Variants in EIF2B5 observed in about 807,000 individuals in gnomAD.
EIF2B5 encodes the protein eukaryotic translation initiation factor 2B subunit epsilon, also known as translation initiation factor eIF2B subunit epsilon.
EIF2B5 carries 38 observed loss-of-function variants against 87.3 expected under a neutral mutation model. The ratio of observed to expected loss-of-function variants is 0.44; its 90% confidence interval spans 0.34 to 0.57. The LOEUF is 0.57. EIF2B5 is among the 20% of genes least tolerant of loss of function. The pLI is 0.02. For synonymous variants in EIF2B5, 313 were observed against 339.6 expected, an observed-to-expected ratio of 0.92 and a Z score of 0.86; for missense variants, 784 against 909.5, an observed-to-expected ratio of 0.86 and a Z score of 1.78.
At chr3:184,137,508 CA>C (rs1713414505) in intron 2 of EIF2B5, 111 bp from the exon 3 acceptor site, 1 of 1,105,798 alleles carries the variant, frequency 9.0e-7, no homozygotes, top group Non-Finnish European at 1.4e-6. Context: ...GGCAAGAACC[CA>C]AAAAAGCCAT....
intron 1 of EIF2B5, 150 bp downstream of exon 1, chr3:184,135,730 C>A: frequency 9.0e-7 from 1 of 1,115,650 alleles, no homozygotes; most frequent in Non-Finnish European, 1.3e-6. Context: ...CTGTCTAAAC[C>A]CTGATGACTG....
chr3:184,138,417 T>G (rs1437701342), intron 5 of EIF2B5, among the ~76,000 whole-genome samples, 171 bp downstream of exon 5: 1 of 149,972 alleles, frequency 6.7e-6, no homozygotes, highest in Non-Finnish European at 1.5e-5. Context: ...AGTGCAGTGG[T>G]GTGATCCCAG....
chr3:184,143,714 G>T, intron 13 of EIF2B5, 149 bp downstream of exon 13: 1 of 1,171,580 alleles, frequency 8.5e-7, no homozygotes, highest in Non-Finnish European at 1.2e-6. Flanking sequence ...AGCCTTGGCT[G>T]GTTCAGAGGG....
chr3:184,139,995 C>T, intron 5 of EIF2B5, 85 bp from the exon 6 acceptor site: 2 of 1,126,628 alleles, frequency 1.8e-6, no homozygotes, highest in Non-Finnish European at 2.6e-6. Flanking sequence ...TGCACTCCAG[C>T]CTGGGCAACA....
intron 5 of EIF2B5, chr3:184,138,953 GTTT>G: frequency 4.0e-6 from 1 of 249,450 alleles, no homozygotes. Flanking sequence ...TGAGCCACCA[GTTT>G]TTTTTGTTGT....
chr3:184,142,765 T>C lies in EIF2B5; in HGVS notation c.1547-14T>C, dbSNP rs762870731. On this transcript the variant is annotated splice_polypyrimidine_tract_variant and intron_variant, in intron 10 of 15. Transcript: ENST00000648915. The surrounding 1 kb of genome is among the most constrained non-coding windows in gnomAD (Gnocchi z 5.0). ...CTCTTTTTTTCTTTTTCCTCACCCA[T>C]TATGGCTTCTCAGGACTCAAGATCA... 6.2e-7 allele frequency: 1 copy of C among 1,612,104 alleles called. No homozygotes were observed. Among genetic ancestry groups the C allele is most frequent in the Non-Finnish European group, 8.5e-7 (1 of 1,178,928 alleles).
chr3:184,135,662 A>G (rs901526973), intron 1 of EIF2B5, 82 bp downstream of exon 1: 1 of 1,525,184 alleles, frequency 6.6e-7, no homozygotes, highest in Non-Finnish European at 8.9e-7. Flanking sequence ...TAACTACAAC[A>G]GCATGCCCTT....
At position 184,142,218 on chromosome 3, in the gene EIF2B5, G is replaced by C. The variant is rs1713667441; in HGVS notation, c.1303-19G>C. On this transcript the variant is annotated intron_variant, in intron 8 of 15. Transcript: ENST00000648915. This position sits in a 1 kb window ranked among gnomAD's most constrained non-coding sequence, Gnocchi z 5.0. The stretch of plus-strand genomic sequence containing the variant: ...TTTTCCTCCACACCCTAATGGTTCT[G>C]TGTTTTTTTTCCCCTTAGGTGGTCG... The C allele has an allele frequency of 6.2e-7, 1 of 1,613,882 alleles. No homozygotes were observed. The highest frequency in any genetic ancestry group is 8.5e-7 in the Non-Finnish European group (1 of 1,179,982).
intron 1 of EIF2B5, among the ~76,000 whole-genome samples, chr3:184,136,331 A>G (rs148245466): frequency 1.3e-5 from 2 of 152,366 alleles, no homozygotes; most frequent in Non-Finnish European, 2.9e-5. Flanking sequence ...ATTGATTTCC[A>G]GTATTATCCT....
intron 11 of EIF2B5, 31 bp from the exon 12 acceptor site, chr3:184,143,021 G>A (rs1236855176): frequency 6.2e-7 from 1 of 1,605,106 alleles, no homozygotes; most frequent in East Asian, 2.2e-5. Flanking sequence ...AATGATGTTG[G>A]CCCATGAACT....
chr3:184,135,509 C>A lies in EIF2B5; in HGVS notation c.124C>A (p.Pro42Thr), dbSNP rs761140018. The A allele has an allele frequency of 6.3e-7, 1 of 1,585,414 alleles. No homozygotes were observed. The highest frequency in any genetic ancestry group is 8.6e-7 in the Non-Finnish European group (1 of 1,166,756). ...ARGAEEEPPP[P>T]LQAVLVADSF... ...AGGGGCGGAGGAGGAACCGCCGCCG[C>A]CCCTACAAGCAGTTCTGGTGGCCGA... The change falls in exon 1 of 16, where the codon CCC becomes ACC. Residue 42 changes from proline (P) to threonine (T), a missense_variant. Physicochemically the swap from Pro to Thr is conservative, Grantham distance 38. Coordinates refer to ENST00000648915, the MANE Select transcript of EIF2B5 (RefSeq NM_003907.3).
intron 14 of EIF2B5, 133 bp from the exon 15 acceptor site, chr3:184,144,464 G>A: frequency 9.6e-7 from 1 of 1,044,642 alleles, no homozygotes. Context: ...CCTGCCCCAG[G>A]AGCAGAGCGA....
chr3:184,142,033 G>A lies in EIF2B5; in HGVS notation c.1265G>A (p.Arg422Gln), dbSNP rs372497906. The A allele has an allele frequency of 5.5e-5, 88 of 1,614,044 alleles. No individual in the cohort carries two copies. The highest frequency in any genetic ancestry group is 1.5e-4 in the Admixed American group (9 of 60,000). The change falls in exon 8 of 16, where the codon CGA (arginine) becomes CAA (glutamine). Residue 422 changes from arginine to glutamine, a missense_variant. This residue lies in a region of EIF2B5 where 660 missense variants were observed against 789.5 expected (regional missense o/e 0.84). Coordinates refer to ENST00000648915, the MANE Select transcript of EIF2B5 (RefSeq NM_003907.3). This position sits in a 1 kb window ranked among gnomAD's most constrained non-coding sequence, Gnocchi z 5.0. ...LLCDNAEVKE[R>Q]VTLKPRSVLT... is the part of the protein sequence containing the mutation. ...TGTGACAATGCTGAGGTCAAGGAACGAGTGACACTGAAACCACGCTCTGTC... is the reference window on the plus strand; with the variant it reads ...TGTGACAATGCTGAGGTCAAGGAACAAGTGACACTGAAACCACGCTCTGTC...
chr3:184,142,088 C>T lies in EIF2B5; in HGVS notation c.1302+18C>T. The T allele has an allele frequency of 6.2e-7, 1 of 1,614,186 alleles. No homozygotes were observed. Among genetic ancestry groups the T allele is most frequent in the Non-Finnish European group, 8.5e-7 (1 of 1,180,048 alleles). On this transcript the variant is annotated intron_variant, in intron 8 of 15. Transcript: ENST00000648915. This position sits in a 1 kb window ranked among gnomAD's most constrained non-coding sequence, Gnocchi z 5.0. ...CTTCCCAGGTGAGACCTGATCTATA[C>T]TGTGCACAGGCCCTGAATTGCATGG...
At chr3:184,143,953 C>A in intron 13 of EIF2B5, 146 bp from the exon 14 acceptor site, 3 of 1,277,188 alleles carry the variant, frequency 2.3e-6, no homozygotes, top group South Asian at 1.2e-5. Context: ...ACCCTGTCAA[C>A]AACTCCCAAG....
chr3:184,141,950 C>T lies in EIF2B5; in HGVS notation c.1182C>T (p.Thr394=). The T allele has an allele frequency of 6.2e-7, 1 of 1,614,096 alleles. No individual in the cohort carries two copies. Among genetic ancestry groups the T allele is most frequent in the Non-Finnish European group, 8.5e-7 (1 of 1,180,018 alleles). ...GTGATAACGTGGTGCTGGACCAGAC[C>T]TACCTGTGGCAGGGTGTTCGAGTGG... ...HIGDNVVLDQ[T]YLWQGVRVAA... The change falls in exon 8 of 16, where the codon ACC becomes ACT. Residue 394 remains threonine, a synonymous_variant. Coordinates refer to ENST00000648915, the MANE Select transcript of EIF2B5 (RefSeq NM_003907.3).
rs747875505 is a variant in EIF2B5, at chr3:184,138,053, T to C, written c.662T>C (p.Leu221Pro). ...CTCCATTTTCAGAAGACCCAGGGTC[T>C]CCGGCGTTTTGCATTTCCTCTGGTG... ...RVLHFQKTQG[L>P]RRFAFPLSLF... The change falls in exon 4 of 16, where the codon CTC becomes CCC. Residue 221 changes from leucine (L) to proline (P), a missense_variant. Leu to Pro is a moderately conservative substitution (Grantham distance 98). Coordinates refer to ENST00000648915, the MANE Select transcript of EIF2B5 (RefSeq NM_003907.3). 1.1e-5 allele frequency: 18 copies of C among 1,614,080 alleles called. No individual in the cohort carries two copies. Among genetic ancestry groups the C allele is most frequent in the South Asian group, 4.4e-5 (4 of 91,092 alleles).
chr3:184,143,001 G>T, intron 11 of EIF2B5, 51 bp from the exon 12 acceptor site: 6 of 1,591,920 alleles, frequency 3.8e-6, no homozygotes, highest in Non-Finnish European at 5.2e-6. Context: ...AGATGACTTA[G>T]AGCATTCTGA....
intron 5 of EIF2B5, among the ~76,000 whole-genome samples, chr3:184,139,270 A>ATTTTTT (rs1196978595): frequency 2.5e-4 from 12 of 48,020 alleles, no homozygotes; most frequent in Admixed American, 3.7e-4. Context: ...TGCACCCAGC[A>ATTTTTT]TTTTTTTTTT....
Sources: allele counts gnomAD v4.1 joint callset (sites outside exome capture counted in the v4.1 genomes callset), GRCh38; gene constraint gnomAD v4.1.1; regional missense constraint gnomAD v4.1.1; non-coding constraint Gnocchi (gnomAD v3.1); transcripts MANE v1.5; gene names NCBI Gene and HGNC (gene_info 2026-07-23, HGNC 2026-07-21).